BARX2: variants seen among roughly 807,000 people sequenced by gnomAD.
BARX2 encodes the protein homeobox protein BarH-like 2.
A neutral mutation model predicts 25.5 loss-of-function variants in BARX2; 11 were observed. The observed-to-expected ratio is 0.43, with a 90% CI of 0.27 to 0.71. The LOEUF (loss-of-function observed/expected upper bound fraction) is 0.71, where lower values mean the gene tolerates loss of function less well. Among genes scored for constraint, BARX2 ranks in the 30% least tolerant of loss-of-function variants. The pLI is 0.19. For synonymous variants in BARX2, 137 were observed against 149.5 expected (o/e 0.92, Z 0.61); for missense variants, 360 against 359.9 (o/e 1.00, Z 0.00).
intron 1 of BARX2, among the ~76,000 whole-genome samples, chr11:129,402,691 G>A (rs1861789861): frequency 6.6e-6 from 1 of 152,212 alleles, no homozygotes; most frequent in Non-Finnish European, 1.5e-5. Context: ...GTGGTCAGAG[G>A]ATTAACTGGT....
intron 1 of BARX2, among the ~76,000 whole-genome samples, chr11:129,404,562 C>G (rs1861810271): frequency 6.6e-6 from 1 of 152,212 alleles, no homozygotes; most frequent in African/African-American, 2.4e-5. Flanking sequence ...CCTTTCCGGG[C>G]TTTTCCCTGC....
chr11:129,386,891 A>C (rs563151008), intron 1 of BARX2, among the ~76,000 whole-genome samples: 1 of 152,362 alleles, frequency 6.6e-6, no homozygotes, highest in South Asian at 2.1e-4. Flanking sequence ...GCCTAAACAA[A>C]TACATAGACA....
chr11:129,399,530 G>A (rs530877694), intron 1 of BARX2, among the ~76,000 whole-genome samples: 31 of 152,212 alleles, frequency 2.0e-4, no homozygotes, highest in African/African-American at 7.0e-4. Flanking sequence ...CCAGAATTGG[G>A]GCTTAGTCTG....
chr11:129,441,980 A>G (rs1862266590), intron 2 of BARX2, among the ~76,000 whole-genome samples: 1 of 152,226 alleles, frequency 6.6e-6, no homozygotes, highest in Non-Finnish European at 1.5e-5. Flanking sequence ...ATTTAGCCCC[A>G]GAAATGGCTT....
At chr11:129,442,629 G>T in intron 2 of BARX2, 1 of 566,124 alleles carries the variant, frequency 1.8e-6, no homozygotes, top group East Asian at 3.6e-5. Context: ...CCTCAGGCAT[G>T]GGCATCTGTT....
chr11:129,423,030 GT>G (rs1862023129), intron 1 of BARX2, among the ~76,000 whole-genome samples: 2 of 151,132 alleles, frequency 1.3e-5, no homozygotes, highest in South Asian at 4.2e-4. Flanking sequence ...ATCTCCCTTT[GT>G]TTTTAATTCT....
In BARX2 at chr11:129,390,924, C is replaced by T. The variant is rs1003457843; in HGVS notation, c.187+14702C>T. Among the ~76,000 whole-genome samples the T allele has an allele frequency of 3.3e-5, 5 of 152,262 alleles. No homozygotes were observed. The highest frequency in any genetic ancestry group is 1.9e-4 in the East Asian group (1 of 5,180). On this transcript the variant is annotated intron_variant, in intron 1 of 3. Transcript: ENST00000281437. This position sits in a 1 kb window ranked among gnomAD's most constrained non-coding sequence, Gnocchi z 4.3. ...AAATTGTGTGTACTTGACGCACAGGCGGTGTGGAAGCAGGATTTAAAGTAG... is the reference window on the plus strand; with the variant it reads ...AAATTGTGTGTACTTGACGCACAGGTGGTGTGGAAGCAGGATTTAAAGTAG...
intron 1 of BARX2, among the ~76,000 whole-genome samples, chr11:129,415,227 T>G (rs76495633): frequency 0.041 from 6,257 of 152,266 alleles, 466 homozygotes; most frequent in African/African-American, 0.14. Flanking sequence ...TTGATGATCA[T>G]GATGAGTTTC....
At chr11:129,380,618 C>T (rs1232245749) in intron 1 of BARX2, among the ~76,000 whole-genome samples, 1 of 152,152 alleles carries the variant, frequency 6.6e-6, no homozygotes, top group East Asian at 1.9e-4. Flanking sequence ...CTGCCAGAGG[C>T]ACATAGGCTT....
intron 1 of BARX2, among the ~76,000 whole-genome samples, chr11:129,407,942 C>A (rs576980048): frequency 2.8e-5 from 4 of 143,206 alleles, no homozygotes; most frequent in African/African-American, 1.1e-4. Flanking sequence ...TGGCTCACAC[C>A]TGTAATCCCA....
chr11:129,404,644 T>G (rs575048032), intron 1 of BARX2, among the ~76,000 whole-genome samples: 15 of 152,342 alleles, frequency 9.8e-5, no homozygotes, highest in African/African-American at 3.4e-4. Flanking sequence ...ATAAGCCTGG[T>G]GGGAAATTCT....
chr11:129,442,993 G>T (rs528418656), intron 3 of BARX2, 74 bp downstream of exon 3: 27 of 1,397,396 alleles, frequency 1.9e-5, no homozygotes, highest in Non-Finnish European at 2.4e-5. Context: ...TGGGAGGGAG[G>T]CCGGACCATT....
chr11:129,423,118 T>TA (rs35684586), intron 1 of BARX2, among the ~76,000 whole-genome samples: 2 of 662 alleles, frequency 3.0e-3, no homozygotes, highest in Non-Finnish European at 5.0e-3. Context: ...TCAGATTGGA[T>TA]TTTTTTTTTT....
In BARX2 at chr11:129,382,150, A is replaced by G. The variant is rs528954794; in HGVS notation, c.187+5928A>G. Reference sequence around the variant, plus strand: ...AGAGATGCAAAGGTAGGTACGTCACATGGGCTGAGGCCTCTTCATTTGTTT... The same window carrying G: ...AGAGATGCAAAGGTAGGTACGTCACGTGGGCTGAGGCCTCTTCATTTGTTT... On this transcript the variant is annotated intron_variant, in intron 1 of 3. Coordinates refer to ENST00000281437, the MANE Select transcript of BARX2 (RefSeq NM_003658.5). 3.3e-5 allele frequency among the ~76,000 whole-genome samples: 5 copies of G among 152,256 alleles called. No homozygotes were observed. In the South Asian group the frequency reaches 8.3e-4, roughly 25 times the overall value.
intron 1 of BARX2, among the ~76,000 whole-genome samples, chr11:129,412,336 G>A (rs889340555): frequency 9.2e-5 from 14 of 152,150 alleles, no homozygotes; most frequent in African/African-American, 2.4e-5. Context: ...TTTGAATAGG[G>A]AGTTACTTTG....
intron 1 of BARX2, among the ~76,000 whole-genome samples, chr11:129,398,856 C>G (rs1237180551): frequency 6.6e-6 from 1 of 152,216 alleles, no homozygotes; most frequent in Non-Finnish European, 1.5e-5. Context: ...GGAGAACCAA[C>G]TAGCTAAGCA....
rs1862191099 is a variant in BARX2, at chr11:129,436,594, G to A, written c.188-157G>A. ...CTCTGTGCCTGCCCTGCAGCTGTAG[G>A]TCTTGAGTTACCTCTCCTTCCCCTT... On this transcript the variant is annotated intron_variant, in intron 1 of 3. Transcript: ENST00000281437. The surrounding 1 kb of genome is among the most constrained non-coding windows in gnomAD (Gnocchi z 4.5). 1.3e-6 allele frequency: 1 copy of A among 787,336 alleles called. No individual in the cohort carries two copies. The highest frequency in any genetic ancestry group is 2.0e-6 in the Non-Finnish European group (1 of 500,976). 48.8% of individuals were successfully genotyped at this position (787,336 alleles called of 1,614,324 possible). A position where few individuals can be genotyped will look rare whatever the true frequency, so the allele number is the denominator to read the frequency against.
chr11:129,423,608 G>A (rs1862032121), intron 1 of BARX2, among the ~76,000 whole-genome samples: 1 of 152,014 alleles, frequency 6.6e-6, no homozygotes, highest in Admixed American at 6.6e-5. Context: ...CCACTTCCAG[G>A]GCCATAGTCA....
chr11:129,386,328 G>C (rs1164550784), intron 1 of BARX2, among the ~76,000 whole-genome samples: 1 of 152,052 alleles, frequency 6.6e-6, no homozygotes, highest in Non-Finnish European at 1.5e-5. Context: ...TTTCACCAGT[G>C]GTCCTTTGCT....
Sources: allele counts gnomAD v4.1 joint callset (sites outside exome capture counted in the v4.1 genomes callset), GRCh38; gene constraint gnomAD v4.1.1; non-coding constraint Gnocchi (gnomAD v3.1); transcripts MANE v1.5; gene names NCBI Gene and HGNC (gene_info 2026-07-23, HGNC 2026-07-21).